The following CCDC7 variants were observed in gnomAD, a reference collection of about 807,000 sequenced individuals.
The protein encoded by CCDC7 is coiled-coil domain-containing protein 7.
CCDC7 carries 183 observed loss-of-function variants against 196.9 expected under a neutral mutation model. The observed-to-expected ratio is 0.93, with a 90% CI of 0.82 to 1.05. The LOEUF is 1.05. Ranked by LOEUF, CCDC7 falls within the 50% of genes least tolerant of loss-of-function variation. CCDC7 has a pLI of 0.00. For synonymous variants in CCDC7, 525 were observed against 484.6 expected (o/e 1.08, Z -1.10); for missense variants, 1,540 against 1,482.2 (o/e 1.04, Z -0.64).
intron 18 of CCDC7, among the ~76,000 whole-genome samples, chr10:32,604,732 A>G (rs1449797113): frequency 6.6e-6 from 1 of 151,922 alleles, no homozygotes; most frequent in Non-Finnish European, 1.5e-5. Context: ...TAGTTCTTTA[A>G]TGTTGTATAG....
chr10:32,845,395 A>G, intron 34 of CCDC7, 69 bp downstream of exon 35: 2 of 1,299,836 alleles, frequency 1.5e-6, no homozygotes, highest in Admixed American at 4.4e-5. Context: ...AATTAAGTAT[A>G]GACCTTTAAT....
intron 24 of CCDC7, among the ~76,000 whole-genome samples, chr10:32,699,816 A>AT (rs2078354102): frequency 6.7e-6 from 1 of 149,476 alleles, no homozygotes. Flanking sequence ...GATGATGAGC[A>AT]TTTTTTCATC....
chr10:32,639,210 G>A (rs1401232772), intron 20 of CCDC7, among the ~76,000 whole-genome samples: 3 of 151,998 alleles, frequency 2.0e-5, no homozygotes, highest in Admixed American at 6.6e-5. Context: ...TTTTTTTGAA[G>A]GGTTTTTTGG....
chr10:32,480,961 A>G (rs1241509685), intron 8 of CCDC7, among the ~76,000 whole-genome samples: 1 of 152,048 alleles, frequency 6.6e-6, no homozygotes, highest in African/African-American at 2.4e-5. Flanking sequence ...GGCCTCTGCT[A>G]TTATTGTATT....
At chr10:32,843,101 T>A (rs1224349902) in intron 33 of CCDC7, among the ~76,000 whole-genome samples, 6 of 150,464 alleles carry the variant, frequency 4.0e-5, no homozygotes, top group African/African-American at 1.2e-4. Context: ...AAAAAATAAA[T>A]TTTTTTAAAA....
At chr10:32,728,829 T>C (rs929239641) in intron 26 of CCDC7, 58 bp from the exon 28 acceptor site, 4 of 892,002 alleles carry the variant, frequency 4.5e-6, no homozygotes, top group African/African-American at 3.4e-5. Context: ...AATGTACATA[T>C]TATACATTCA....
At chr10:32,606,113 G>A (rs2061532540) in intron 18 of CCDC7, among the ~76,000 whole-genome samples, 1 of 137,850 alleles carries the variant, frequency 7.3e-6, no homozygotes, top group Admixed American at 6.8e-5. Flanking sequence ...CTAGAGCCTT[G>A]GGTGCAAAGG....
chr10:32,823,291 G>T (rs184763274), intron 31 of CCDC7, among the ~76,000 whole-genome samples: 2 of 151,882 alleles, frequency 1.3e-5, no homozygotes, highest in African/African-American at 4.8e-5. Context: ...TAAGGCGCAC[G>T]CCACCACGCC....
intron 14 of CCDC7, 135 bp downstream of exon 15, chr10:32,565,755 A>G: frequency 2.6e-6 from 2 of 782,520 alleles, no homozygotes; most frequent in Non-Finnish European, 3.8e-6. Context: ...TTTAAACTAT[A>G]TTCATTTTAT....
chr10:32,454,680 C>G (rs1049095774), intron 2 of CCDC7, among the ~76,000 whole-genome samples: 6 of 152,164 alleles, frequency 3.9e-5, no homozygotes, highest in African/African-American at 1.2e-4. Context: ...TCGGATATCC[C>G]CTTTATTTTA....
At chr10:32,715,446 A>G (rs762899545) in intron 25 of CCDC7, among the ~76,000 whole-genome samples, 3 of 152,154 alleles carry the variant, frequency 2.0e-5, no homozygotes, top group Non-Finnish European at 2.9e-5. Context: ...ATGAGTAAAA[A>G]CCAGTGCAAA....
chr10:32,474,144 G>T, intron 8 of CCDC7, 121 bp downstream of exon 9: 2 of 687,356 alleles, frequency 2.9e-6, no homozygotes, highest in Non-Finnish European at 4.0e-6. Context: ...GAGCCATATA[G>T]TTGAGCTGGT....
chr10:32,512,646 A>C (rs1268910357), intron 9 of CCDC7: 2 of 152,194 alleles, frequency 1.3e-5, no homozygotes, highest in African/African-American at 4.8e-5. Flanking sequence ...AACTGAAAAC[A>C]CCTCGTTCAA....
At chr10:32,849,346 T>C (rs2093443369) in intron 39 of CCDC7, among the ~76,000 whole-genome samples, 1 of 152,098 alleles carries the variant, frequency 6.6e-6, no homozygotes, top group African/African-American at 2.4e-5. Context: ...TGGCTGGCTG[T>C]TGTTTGAGAC....
chr10:32,701,662 T>G (rs1446464536), intron 24 of CCDC7, among the ~76,000 whole-genome samples: 1 of 152,216 alleles, frequency 6.6e-6, no homozygotes. Flanking sequence ...TTTTTTAGGT[T>G]GGTAGGCTAC....
chr10:32,759,986 A>C (rs1269036237), intron 28 of CCDC7, among the ~76,000 whole-genome samples: 3 of 152,180 alleles, frequency 2.0e-5, no homozygotes, highest in Non-Finnish European at 2.9e-5. Context: ...CAAAAAACAC[A>C]TGAAAAAATG....
chr10:32,456,961 A>G (rs552060942), intron 3 of CCDC7, among the ~76,000 whole-genome samples: 2 of 152,006 alleles, frequency 1.3e-5, no homozygotes, highest in African/African-American at 2.4e-5. Flanking sequence ...AGTAATTAGC[A>G]TATTCATCAC....
chr10:32,689,547 G>A (rs2076836620), intron 23 of CCDC7, among the ~76,000 whole-genome samples: 1 of 152,032 alleles, frequency 6.6e-6, no homozygotes, highest in African/African-American at 2.4e-5. Flanking sequence ...CAGCAAATGG[G>A]GATCATAATA....
chr10:32,687,878 A>G (rs1762525), intron 22 of CCDC7, among the ~76,000 whole-genome samples: 2 of 151,982 alleles, frequency 1.3e-5, no homozygotes, highest in East Asian at 3.9e-4. Flanking sequence ...GTGGGGCTGT[A>G]TGTTGGCCCT....
Sources: allele counts gnomAD v4.1 joint callset (sites outside exome capture counted in the v4.1 genomes callset), GRCh38; gene constraint gnomAD v4.1.1; transcripts MANE v1.5; gene names NCBI Gene and HGNC (gene_info 2026-07-23, HGNC 2026-07-21).